LDHAL6A: variants seen among roughly 807,000 people sequenced by gnomAD.
LDHAL6A encodes lactate dehydrogenase A like 6A, also known as L-lactate dehydrogenase A-like 6A.
A neutral mutation model predicts 28.2 loss-of-function variants in LDHAL6A; 19 were observed. The ratio of observed to expected loss-of-function variants is 0.67; its 90% confidence interval spans 0.47 to 0.99. The LOEUF is 0.99. Ranked by LOEUF, LDHAL6A falls within the 50% of genes least tolerant of loss-of-function variation. The probability of loss-of-function intolerance (pLI) is 0.00; values close to 1 mark genes in which losing one functional copy is unlikely to be tolerated. For synonymous variants in LDHAL6A, 144 were observed against 134.4 expected, an observed-to-expected ratio of 1.07 and a Z score of -0.49; for missense variants, 372 against 398.6, an observed-to-expected ratio of 0.93 and a Z score of 0.57.
rs1022178507 is a variant in LDHAL6A, at chr11:18,456,936, G to A, written c.126+130G>A. ...AGTGTGAGGGGCATCAGAGGAAAAG[G>A]TGCCCTTTTTTTAGTTGTTCACCCA... On this transcript the variant is annotated intron_variant, in intron 1 of 6. Coordinates refer to ENST00000280706, the MANE Select transcript of LDHAL6A (RefSeq NM_144972.5). 4 of 926,122 alleles carry A rather than the reference G, an allele frequency of 4.3e-6. No individual in the cohort carries two copies. In the African/African-American group the frequency reaches 5.1e-5, roughly 12 times the overall value. 57.4% of individuals were successfully genotyped at this position (926,122 alleles called of 1,614,324 possible). A position where few individuals can be genotyped will look rare whatever the true frequency, so the allele number is the denominator to read the frequency against.
At chr11:18,459,859 C>G (rs1848851654) in intron 1 of LDHAL6A, among the ~76,000 whole-genome samples, 1 of 151,784 alleles carries the variant, frequency 6.6e-6, no homozygotes, top group Non-Finnish European at 1.5e-5. Flanking sequence ...GAGTACTAGT[C>G]AAGTATTTTG....
At chr11:18,456,922 C>A in intron 1 of LDHAL6A, 116 bp downstream of exon 1, 1 of 1,090,008 alleles carries the variant, frequency 9.2e-7, no homozygotes, top group Non-Finnish European at 1.3e-6. Context: ...GTGTGAGGGG[C>A]ATCAGAGGAA....
intron 3 of LDHAL6A, 69 bp downstream of exon 3, chr11:18,465,879 G>GTATACTGT: frequency 8.5e-7 from 1 of 1,181,516 alleles, no homozygotes; most frequent in Non-Finnish European, 1.2e-6. Flanking sequence ...CATTACATGA[G>GTATACTGT]TATACTGTGT....
chr11:18,462,642 ACAAAC>A (rs1253621199), intron 1 of LDHAL6A, among the ~76,000 whole-genome samples: 4 of 122,274 alleles, frequency 3.3e-5, no homozygotes, highest in Admixed American at 2.7e-4. Flanking sequence ...GTCTCAAAAA[ACAAAC>A]AAACAAACAA....
intron 3 of LDHAL6A, among the ~76,000 whole-genome samples, chr11:18,473,297 G>A (rs1440963376): frequency 6.6e-6 from 1 of 152,158 alleles, no homozygotes; most frequent in African/African-American, 2.4e-5. Context: ...AGGCAAGTAG[G>A]CATTAGCAGT....
chr11:18,467,965 ATACGTATATATATACGTATATATATG>A lies in LDHAL6A; in HGVS notation c.418+2156_418+2181del, dbSNP rs1565071336. On this transcript the variant is annotated intron_variant, in intron 3 of 6. Coordinates refer to ENST00000280706, the MANE Select transcript of LDHAL6A (RefSeq NM_144972.5). ...CACACATATATATATACGTATATAT[ATACGTATATATATACGTATATATATG>A]CATATATATACGTATATATATACAT... is the stretch of plus-strand genomic sequence containing the variant. 3.1e-4 allele frequency among the ~76,000 whole-genome samples: 7 copies of A among 22,486 alleles called. 1 individual carries two copies. Among genetic ancestry groups the A allele is most frequent in the Admixed American group, 7.7e-4 (1 of 1,306 alleles). 14.8% of individuals were successfully genotyped at this position (22,486 alleles called of 152,430 possible).
At chr11:18,462,744 A>G (rs1242497392) in intron 1 of LDHAL6A, among the ~76,000 whole-genome samples, 2 of 151,716 alleles carry the variant, frequency 1.3e-5, no homozygotes, top group Non-Finnish European at 2.9e-5. Flanking sequence ...GAGGCAGGAG[A>G]ATCACTAGAA....
chr11:18,479,533 G>A lies in LDHAL6A; in HGVS notation c.*663G>A, dbSNP rs1182759585. 1.3e-5 allele frequency: 2 copies of A among 150,838 alleles called. No homozygotes were observed. The highest frequency in any genetic ancestry group is 3.0e-5 in the Non-Finnish European group (2 of 67,768). The allele number at this position is 150,838 out of a possible 1,614,324, so 9.3% of individuals were successfully genotyped here. A position where few individuals can be genotyped will look rare whatever the true frequency, so the allele number is the denominator to read the frequency against. On this transcript the variant is annotated 3_prime_UTR_variant, in exon 7 of 7. Coordinates refer to ENST00000280706, the MANE Select transcript of LDHAL6A (RefSeq NM_144972.5). ...ATCTCTACAATGTAAAAATAAAAGT[G>A]TATATATATACACACACACACAGAG...
chr11:18,465,573 G>A, intron 2 of LDHAL6A, 64 bp from the exon 3 acceptor site: 1 of 1,367,658 alleles, frequency 7.3e-7, no homozygotes, highest in Non-Finnish European at 1.0e-6. Flanking sequence ...AAGTGAACAG[G>A]AAGTATACTT....
chr11:18,475,924 G>A lies in LDHAL6A; in HGVS notation c.592+285G>A, dbSNP rs535675506. Among the ~76,000 whole-genome samples the A allele has an allele frequency of 2.0e-5, 3 of 152,106 alleles. No individual in the cohort carries two copies. In the East Asian group the frequency reaches 5.8e-4, roughly 29 times the overall value. ...CATGATATAGTTTGTATTTAATTTGGGACACTCTAGTTCAGAAAGGTCAGC... is the reference window on the plus strand; with the variant it reads ...CATGATATAGTTTGTATTTAATTTGAGACACTCTAGTTCAGAAAGGTCAGC... On this transcript the variant is annotated intron_variant, in intron 4 of 6. Transcript: ENST00000280706.
At chr11:18,464,977 G>GTTTTTTTGTTTTTTT (rs1565068683) in intron 2 of LDHAL6A, among the ~76,000 whole-genome samples, 22 of 125,554 alleles carry the variant, frequency 1.8e-4, no homozygotes, top group East Asian at 1.0e-3. Context: ...TGTTTTTTTT[G>GTTTTTTTGTTTTTTT]TTTTTTTTTG....
chr11:18,456,257 G>T lies in LDHAL6A; in HGVS notation c.-424G>T. ...TGTGGCCAGAAGTACCTCTCACCTG[G>T]ACCTGCGGACCCCGGGCGCAGTCCT... On this transcript the variant is annotated 5_prime_UTR_variant, in exon 1 of 7. Coordinates refer to ENST00000280706, the MANE Select transcript of LDHAL6A (RefSeq NM_144972.5). 1 of 177,768 alleles carries T rather than the reference G, an allele frequency of 5.6e-6. No individual in the cohort carries two copies. Among genetic ancestry groups the T allele is most frequent in the Non-Finnish European group, 1.2e-5 (1 of 85,206 alleles). 11.0% of individuals were successfully genotyped at this position (177,768 alleles called of 1,614,324 possible).
At chr11:18,476,554 C>CT (rs1849389174) in intron 5 of LDHAL6A, 53 bp downstream of exon 5, 1 of 1,584,894 alleles carries the variant, frequency 6.3e-7, no homozygotes, top group South Asian at 1.2e-5. Flanking sequence ...AGCCTGAACT[C>CT]TGTTAGAAGG....
intron 2 of LDHAL6A, among the ~76,000 whole-genome samples, chr11:18,464,558 C>T (rs1443983716): frequency 6.6e-6 from 1 of 151,890 alleles, no homozygotes; most frequent in Non-Finnish European, 1.5e-5. Context: ...CTATTAAAAA[C>T]ATAAAAATTA....
rs113855136 is a variant in LDHAL6A at position 18,465,874 on chromosome 11, C to T, written c.418+64C>T. 5 of 1,326,752 alleles carry T rather than the reference C, an allele frequency of 3.8e-6. No individual in the cohort carries two copies. The African/African-American group carries it at 5.8e-5, about 15-fold the overall frequency. 82.2% of individuals were successfully genotyped at this position (1,326,752 alleles called of 1,614,324 possible). A position where few individuals can be genotyped will look rare whatever the true frequency, so the allele number is the denominator to read the frequency against. On this transcript the variant is annotated intron_variant, in intron 3 of 6. Transcript: ENST00000280706. ...GGGGGTACACTGTGTAGGTTCATTA[C>T]ATGAGTATACTGTGTGATGCTGAGG...
rs1253870796 is a variant in LDHAL6A, at chr11:18,456,405, T to TCC, written c.-275_-274dup. The TCC allele has an allele frequency of 9.3e-6, 3 of 323,260 alleles. No individual in the cohort carries two copies. Among genetic ancestry groups the TCC allele is most frequent in the African/African-American group, 5.7e-5 (2 of 35,010 alleles). The allele number at this position is 323,260 out of a possible 1,614,324, so 20.0% of individuals were successfully genotyped here. A position where few individuals can be genotyped will look rare whatever the true frequency, so the allele number is the denominator to read the frequency against. On this transcript the variant is annotated 5_prime_UTR_variant, in exon 1 of 7. The change abolishes the stop of an existing upstream ORF in the 5' untranslated region. Coordinates refer to ENST00000280706, the MANE Select transcript of LDHAL6A (RefSeq NM_144972.5). ...TTTGGTGGAGCAACCCCTGTTCCTT[T>TCC]CCTCTCTCTCTCTCTTAATTCCTCT...
intron 6 of LDHAL6A, among the ~76,000 whole-genome samples, chr11:18,478,373 C>T (rs1255281403): frequency 6.6e-6 from 1 of 152,126 alleles, no homozygotes; most frequent in Non-Finnish European, 1.5e-5. Context: ...TGAAACTGAA[C>T]AATAAATATG....
intron 1 of LDHAL6A, 56 bp downstream of exon 1, chr11:18,456,862 C>T (rs531775042): frequency 6.0e-5 from 94 of 1,562,752 alleles, no homozygotes; most frequent in Middle Eastern, 1.8e-4. Context: ...GAGGCCACAG[C>T]GTATGGTTGT....
chr11:18,477,612 A>G lies in LDHAL6A; in HGVS notation c.711-8A>G. 6.3e-7 allele frequency: 1 copy of G among 1,598,390 alleles called. No individual in the cohort carries two copies. Among genetic ancestry groups the G allele is most frequent in the Non-Finnish European group, 8.5e-7 (1 of 1,175,478 alleles). On this transcript the variant is annotated splice_polypyrimidine_tract_variant and splice_region_variant and intron_variant, in intron 5 of 6. Transcript: ENST00000280706. ...TTAACTTATGTTTATGGTTTCTTCT[A>G]TCTACAGTGGCTATGAGATGGTCAA...
Sources: gnomAD v4.1 joint callset for allele counts (sites outside exome capture counted in the v4.1 genomes callset) on GRCh38, gnomAD v4.1.1 for gene constraint, MANE v1.5 for transcripts, NCBI Gene and HGNC (gene_info 2026-07-23, HGNC 2026-07-21) for gene names.